Variants in EIF4E2 observed in about 807,000 individuals in gnomAD.
EIF4E2 encodes eukaryotic translation initiation factor 4E family member 2, also known as eukaryotic translation initiation factor 4E type 2.
A neutral mutation model predicts 34.2 loss-of-function variants in EIF4E2; 13 were observed. That is an observed-to-expected ratio of 0.38 (90% confidence interval 0.25 to 0.60). The LOEUF (loss-of-function observed/expected upper bound fraction) is 0.60. EIF4E2 is among the 20% of genes least tolerant of loss of function. The pLI, the probability that EIF4E2 is intolerant of heterozygous loss-of-function variation, is 0.62. For synonymous variants in EIF4E2, 100 were observed against 106.6 expected, an observed-to-expected ratio of 0.94 and a Z score of 0.38; for missense variants, 222 against 315.1, an observed-to-expected ratio of 0.70 and a Z score of 2.24.
chr2:232,554,557 A>C (rs1692457246), intron 1 of EIF4E2, among the ~76,000 whole-genome samples: 1 of 152,136 alleles, frequency 6.6e-6, no homozygotes, highest in East Asian at 1.9e-4. Flanking sequence ...TGTGTGCTAG[A>C]CAGGCTCCTT....
intron 1 of EIF4E2, among the ~76,000 whole-genome samples, chr2:232,551,414 A>G (rs1043388388): frequency 4.6e-5 from 7 of 152,162 alleles, no homozygotes; most frequent in African/African-American, 1.7e-4. Context: ...AGGTACAGAG[A>G]GAAAATGCAG....
At position 232,554,838 on chromosome 2, in the gene EIF4E2, G is replaced by C. The variant is rs533413381; in HGVS notation, c.21-1578G>C. 5.3e-5 allele frequency among the ~76,000 whole-genome samples: 8 copies of C among 152,294 alleles called. No homozygotes were observed. In the East Asian group the frequency reaches 5.8e-4, roughly 11 times the overall value. On this transcript the variant is annotated intron_variant, in intron 1 of 6. Transcript: ENST00000258416. ...GGCCCATATGGCTGCCCCAGCTCCT[G>C]AGTCTATGATCTTTCATCTCCTGGA...
At position 232,579,387 on chromosome 2, in the gene EIF4E2, A is replaced by G. The variant is rs554785424; in HGVS notation, c.666-1517A>G. On this transcript the variant is annotated intron_variant, in intron 6 of 6. Coordinates refer to the EIF4E2 transcript ENST00000409098. Reference sequence around the variant, plus strand: ...AAGTAGCCATTGATAAATGAACCACATGGTCATGCATGCCAGCTATAAAAT... The same window carrying G: ...AAGTAGCCATTGATAAATGAACCACGTGGTCATGCATGCCAGCTATAAAAT... Among the ~76,000 whole-genome samples, 6 of 152,352 alleles carry G rather than the reference A, an allele frequency of 3.9e-5. No individual in the cohort carries two copies. In the East Asian group the frequency reaches 1.2e-3, roughly 29 times the overall value.
chr2:232,569,530 T>C (rs543387910), downstream of EIF4E2, among the ~76,000 whole-genome samples: 1 of 152,354 alleles, frequency 6.6e-6, no homozygotes, highest in Non-Finnish European at 1.5e-5. Flanking sequence ...CTGTTCAGGT[T>C]GGAAAGGGGG....
chr2:232,565,982 C>G (rs1429417628), intron 4 of EIF4E2, among the ~76,000 whole-genome samples: 1 of 151,878 alleles, frequency 6.6e-6, no homozygotes, highest in African/African-American at 2.4e-5. Context: ...GTCCCAGCTA[C>G]CCAGGAGGCA....
intron 6 of EIF4E2, 85 bp from the exon 7 acceptor site, chr2:232,568,860 C>T: frequency 2.5e-6 from 4 of 1,586,176 alleles, no homozygotes; most frequent in Non-Finnish European, 3.4e-6. Flanking sequence ...AGAAGACCAA[C>T]CCTCTTTGAG....
chr2:232,567,589 C>T (rs1222713457), intron 6 of EIF4E2: 2 of 1,182,340 alleles, frequency 1.7e-6, no homozygotes, highest in East Asian at 8.1e-5. Context: ...CACCCCACTT[C>T]TGCATGTCTT....
At position 232,558,996 on chromosome 2, in the gene EIF4E2, A is replaced by G. The variant is rs552093927; in HGVS notation, c.270+978A>G. ...GTACCCAGTGTGTGCTGTACATTCA[A>G]TCTCTGGGCAGAATCAAATGTGGGG... On this transcript the variant is annotated intron_variant, in intron 3 of 6. Transcript: ENST00000258416. Among the ~76,000 whole-genome samples, 37 of 151,590 alleles carry G rather than the reference A, an allele frequency of 2.4e-4. No individual in the cohort carries two copies. The East Asian group carries it at 5.8e-3, about 24-fold the overall frequency.
chr2:232,551,670 CACTCAGCG>C (rs1032202663), intron 1 of EIF4E2, among the ~76,000 whole-genome samples: 12 of 152,342 alleles, frequency 7.9e-5, no homozygotes, highest in African/African-American at 2.9e-4. Context: ...GGTCAGATCA[CACTCAGCG>C]ATGCTTAAAG....
At position 232,561,793 on chromosome 2, in the gene EIF4E2, T is replaced by C. The variant is rs146961203; in HGVS notation, c.271-2454T>C. Among the ~76,000 whole-genome samples the C allele has an allele frequency of 2.8e-4, 43 of 152,314 alleles. No homozygotes were observed. The East Asian group carries it at 8.1e-3, about 29-fold the overall frequency. ...GTTAGAGCAACTCAGTCCTGAAACC[T>C]TTCTCAACTATAAAACAAGTTGCTG... is the stretch of plus-strand genomic sequence containing the variant. On this transcript the variant is annotated intron_variant, in intron 3 of 6. Transcript: ENST00000258416.
chr2:232,558,261 C>A (rs982436168), intron 3 of EIF4E2: 1 of 366,640 alleles, frequency 2.7e-6, no homozygotes, highest in Non-Finnish European at 4.8e-6. Context: ...TACAAAAGAA[C>A]AGATTTGGGT....
intron 3 of EIF4E2, among the ~76,000 whole-genome samples, chr2:232,562,199 A>G (rs751898194): frequency 1.4e-4 from 21 of 150,286 alleles, no homozygotes; most frequent in Admixed American, 4.0e-4. Flanking sequence ...TGGGTAACAG[A>G]GCAAGACCCC....
At chr2:232,556,737 G>A in intron 2 of EIF4E2, 1 of 533,770 alleles carries the variant, frequency 1.9e-6, no homozygotes, top group Middle Eastern at 4.5e-4. Flanking sequence ...TTGAGATGCT[G>A]CCTTGCTTTC....
downstream of EIF4E2, among the ~76,000 whole-genome samples, chr2:232,572,969 T>C (rs759733018): frequency 6.6e-6 from 1 of 152,252 alleles, no homozygotes. Context: ...CCCTGGGTCA[T>C]TGCCAAAGCA....
In EIF4E2 at chr2:232,568,653, C is replaced by T. The variant is rs564607991; in HGVS notation, c.666-292C>T. 2.6e-5 allele frequency: 26 copies of T among 985,080 alleles called. No homozygotes were observed. The African/African-American group carries it at 3.8e-4, about 15-fold the overall frequency. The allele number at this position is 985,080 out of a possible 1,614,324, so 61.0% of individuals were successfully genotyped here. A position where few individuals can be genotyped will look rare whatever the true frequency, so the allele number is the denominator to read the frequency against. Reference sequence around the variant, plus strand: ...AAGAGGTATTTTTCATCAATTCTCCCCTTCTCTGCTCTTCTCCCTTTCTAA... The same window carrying T: ...AAGAGGTATTTTTCATCAATTCTCCTCTTCTCTGCTCTTCTCCCTTTCTAA... On this transcript the variant is annotated intron_variant, in intron 6 of 6. Coordinates refer to ENST00000258416, the MANE Select transcript of EIF4E2 (RefSeq NM_004846.4).
rs1364899181 is a variant in EIF4E2, at chr2:232,566,217, T to TG, written c.376-611dup. Among the ~76,000 whole-genome samples, 4 of 152,222 alleles carry TG rather than the reference T, an allele frequency of 2.6e-5. No homozygotes were observed. The highest frequency in any genetic ancestry group is 9.6e-5 in the African/African-American group (4 of 41,464). On this transcript the variant is annotated intron_variant, in intron 4 of 6. Transcript: ENST00000258416. The surrounding 1 kb of genome is among the most constrained non-coding windows in gnomAD (Gnocchi z 4.9). ...TGTTTTGTTTTTTGAGACGGAGTCT[T>TG]GCTGTGTTTCCCAGGCGGGAGTGCA...
Position 232,568,893 on chromosome 2 carries a change from C to G in EIF4E2, c.666-52C>G, listed in dbSNP as rs372730337. The G allele has an allele frequency of 5.7e-4, 926 of 1,611,508 alleles. 3 individuals carry two copies. The African/African-American group carries it at 0.01, about 18-fold the overall frequency. On this transcript the variant is annotated intron_variant, in intron 6 of 6. Transcript: ENST00000258416. ...GAGACCCAGATGCTACTTTCCCTTG[C>G]GTCCCCCTCTCTTTCCTCTCCCAAT...
chr2:232,574,614 T>C (rs1693166114), intron 6 of EIF4E2, among the ~76,000 whole-genome samples: 3 of 152,194 alleles, frequency 2.0e-5, no homozygotes, highest in Non-Finnish European at 4.4e-5. Context: ...GATGCTAACA[T>C]TTCATGATGG....
chr2:232,580,253 T>A (rs1693318511), intron 6 of EIF4E2, among the ~76,000 whole-genome samples: 1 of 152,146 alleles, frequency 6.6e-6, no homozygotes, highest in African/African-American at 2.4e-5. Context: ...CTTATTTGGT[T>A]GGTTGGTTTG....
Sources: allele counts gnomAD v4.1 joint callset (sites outside exome capture counted in the v4.1 genomes callset), GRCh38; gene constraint gnomAD v4.1.1; non-coding constraint Gnocchi (gnomAD v3.1); transcripts MANE v1.5; gene names NCBI Gene and HGNC (gene_info 2026-07-23, HGNC 2026-07-21).